DNPEP: variants seen among roughly 807,000 people sequenced by gnomAD.
DNPEP encodes the protein aspartyl aminopeptidase.
DNPEP carries 46 observed loss-of-function variants against 59.1 expected under a neutral mutation model. The ratio of observed to expected loss-of-function variants is 0.78; its 90% CI spans 0.61 to 0.99. The LOEUF is 0.99. DNPEP is among the 50% of genes least tolerant of loss of function. The probability of loss-of-function intolerance (pLI) is 0.00; values close to 1 mark genes in which losing one functional copy is unlikely to be tolerated. For synonymous variants in DNPEP, 229 were observed against 242.2 expected (o/e 0.95, Z 0.50); for missense variants, 617 against 649.9 (o/e 0.95, Z 0.55).
intron 13 of DNPEP, among the ~76,000 whole-genome samples, chr2:219,380,631 C>T (rs1953551966): frequency 6.6e-6 from 1 of 152,120 alleles, no homozygotes; most frequent in Non-Finnish European, 1.5e-5. Context: ...CAATGGGCTA[C>T]ACCACACAAC....
Position 219,381,229 on chromosome 2 carries a change from T to C in DNPEP, c.1239+106A>G, listed in dbSNP as rs1228748018. 4 of 959,700 alleles carry C rather than the reference T, an allele frequency of 4.2e-6. No homozygotes were observed. The Admixed American group carries it at 7.2e-5, about 17-fold the overall frequency. The allele number at this position is 959,700 out of a possible 1,614,324, so 59.4% of individuals were successfully genotyped here. ...TTTTCTCACTCTACTGGGACCCCCCTCCACTCAAGGCCATCTACCAGGTTC... is the reference window on the plus strand; with the variant it reads ...TTTTCTCACTCTACTGGGACCCCCCCCCACTCAAGGCCATCTACCAGGTTC... On this transcript the variant is annotated intron_variant, in intron 13 of 14. Transcript: ENST00000273075.
At chr2:219,379,642 G>C (rs1953506908) in intron 13 of DNPEP, among the ~76,000 whole-genome samples, 1 of 152,132 alleles carries the variant, frequency 6.6e-6, no homozygotes, top group African/African-American at 2.4e-5. Flanking sequence ...AAAAAAGTTG[G>C]CCGGGTGCAG....
Position 219,385,485 on chromosome 2 carries a change from A to T in DNPEP, c.713T>A (p.Leu238Gln), listed in dbSNP as rs760290648. Residue 238 changes from leucine (L) to glutamine (Q), a missense_variant, in exon 8 of 15, where the codon CTG becomes CAG. Physicochemically the swap from Leu to Gln is moderately radical, Grantham distance 113. Transcript: ENST00000273075. ...SVLMSLLCAHLGLSPKDIVEM... is the reference protein window; with the variant it reads ...SVLMSLLCAHQGLSPKDIVEM... ...CACTATGTCCTTGGGGCTCAGCCCC[A>T]GATGGGCACAGAGCAGGGACATGAG... 3 of 1,607,902 alleles carry T rather than the reference A, an allele frequency of 1.9e-6. No individual in the cohort carries two copies. The highest frequency in any genetic ancestry group is 1.7e-6 in the Non-Finnish European group (2 of 1,174,852).
At chr2:219,389,558 A>G (rs868473659), upstream of DNPEP, among the ~76,000 whole-genome samples, 12 of 152,182 alleles carry the variant, frequency 7.9e-5, no homozygotes, top group Admixed American at 1.3e-4. Flanking sequence ...GGCCTGGCGC[A>G]GTGGCTCACG....
chr2:219,384,304 G>A (rs995971504), intron 9 of DNPEP, 62 bp downstream of exon 9: 10 of 1,513,174 alleles, frequency 6.6e-6, no homozygotes, highest in South Asian at 1.2e-5. Context: ...CAGCTCCCCC[G>A]ACCCCAAACA....
At position 219,374,878 on chromosome 2, in the gene DNPEP, G is replaced by A; in HGVS notation, c.1384C>T (p.Leu462Phe). 1.2e-6 allele frequency: 2 copies of A among 1,614,184 alleles called. No individual in the cohort carries two copies. Among genetic ancestry groups the A allele is most frequent in the Middle Eastern group, 1.7e-4 (1 of 6,060 alleles). ...ACCTTGAAGAGGGTGAGGGTCTGGA[G>A]GACTCCTGTGGTGCAGGCCATCTCC... ...IREMACTTGV[L>F]QTLTLFKGFF... The change falls in exon 14 of 15, where the codon CTC becomes TTC. Residue 462 changes from leucine to phenylalanine, a missense_variant. Transcript: ENST00000273075.
chr2:219,391,501 A>T (rs1954015986), upstream of DNPEP, among the ~76,000 whole-genome samples: 1 of 152,224 alleles, frequency 6.6e-6, no homozygotes, highest in Non-Finnish European at 1.5e-5. Context: ...AAATGTTTGG[A>T]AAGGTGATGG....
chr2:219,390,359 T>A (rs1183157476), upstream of DNPEP, among the ~76,000 whole-genome samples: 2 of 152,194 alleles, frequency 1.3e-5, no homozygotes, highest in Non-Finnish European at 2.9e-5. Context: ...AAGGGTAGCC[T>A]AATTTAAAAA....
chr2:219,384,242 A>G, intron 9 of DNPEP, 124 bp downstream of exon 9: 1 of 894,908 alleles, frequency 1.1e-6, no homozygotes, highest in South Asian at 1.7e-5. Context: ...CAGCACCAGC[A>G]GACTGAGCGG....
intron 8 of DNPEP, chr2:219,385,069 T>A (rs1953753746): frequency 4.5e-6 from 1 of 222,552 alleles, no homozygotes; most frequent in African/African-American, 2.3e-5. Context: ...TAGCAATCTC[T>A]GACCATCAGC....
upstream of DNPEP, chr2:219,388,630 A>G: frequency 1.1e-6 from 1 of 935,424 alleles, no homozygotes; most frequent in Non-Finnish European, 1.3e-6. Flanking sequence ...AGGTGCTAGG[A>G]CAGCCGCGGA....
At chr2:219,380,119 G>C (rs1224316399) in intron 13 of DNPEP, among the ~76,000 whole-genome samples, 2 of 151,316 alleles carry the variant, frequency 1.3e-5, no homozygotes, top group Non-Finnish European at 2.9e-5. Flanking sequence ...AGTGCCGTAA[G>C]CTCCATTCCT....
chr2:219,385,496 G>C lies in DNPEP; in HGVS notation c.702C>G (p.Leu234=). 1 of 1,606,842 alleles carries C rather than the reference G, an allele frequency of 6.2e-7. No homozygotes were observed. Among genetic ancestry groups the C allele is most frequent in the Non-Finnish European group, 8.5e-7 (1 of 1,174,026 alleles). The change falls in exon 8 of 15, where the codon CTC becomes CTG. Residue 234 remains leucine (L), a synonymous_variant. Coordinates refer to ENST00000273075, the MANE Select transcript of DNPEP (RefSeq NM_012100.4). ...ERHHSVLMSL[L]CAHLGLSPKD... is the part of the protein sequence containing the mutation. Reference sequence around the variant, plus strand: ...TGGGGCTCAGCCCCAGATGGGCACAGAGCAGGGACATGAGGACCGAATGGT... The same window carrying C: ...TGGGGCTCAGCCCCAGATGGGCACACAGCAGGGACATGAGGACCGAATGGT...
Position 219,387,897 on chromosome 2 carries a change from G to A in DNPEP, c.-103C>T, listed in dbSNP as rs1036810311. 1.4e-6 allele frequency: 2 copies of A among 1,404,894 alleles called. No homozygotes were observed. The highest frequency in any genetic ancestry group is 6.0e-5 in the East Asian group (2 of 33,342). The allele number at this position is 1,404,894 out of a possible 1,614,324, so 87.0% of individuals were successfully genotyped here. ...CCTTCAGGCCGCGCCGCACTCGTAGGCCTTCATCACGCTTCCCCGGCCGCG... is the reference window on the plus strand; with the variant it reads ...CCTTCAGGCCGCGCCGCACTCGTAGACCTTCATCACGCTTCCCCGGCCGCG... On this transcript the variant is annotated 5_prime_UTR_variant, in exon 1 of 15. Coordinates refer to ENST00000273075, the MANE Select transcript of DNPEP (RefSeq NM_012100.4).
intron 1 of DNPEP, chr2:219,387,437 G>A: frequency 2.8e-6 from 4 of 1,431,058 alleles, no homozygotes; most frequent in Non-Finnish European, 3.7e-6. Flanking sequence ...GCCCAGCTAG[G>A]AAATCCTGTT....
intron 1 of DNPEP, among the ~76,000 whole-genome samples, chr2:219,395,096 GCAC>G (rs1954075438): frequency 1.3e-5 from 2 of 152,030 alleles, no homozygotes; most frequent in South Asian, 4.2e-4. Context: ...TTACAGACAT[GCAC>G]CACCATGCCC....
chr2:219,397,123 C>G (rs1361153163), intron 1 of DNPEP, among the ~76,000 whole-genome samples: 1 of 152,176 alleles, frequency 6.6e-6, no homozygotes, highest in African/African-American at 2.4e-5. Context: ...GGCTCAGGAT[C>G]CACACACCGG....
rs1044457391 is a variant in DNPEP at position 219,399,964 on chromosome 2, G to C, written c.-182C>G. 4 of 1,512,438 alleles carry C rather than the reference G, an allele frequency of 2.6e-6. No individual in the cohort carries two copies. In the Admixed American group the frequency reaches 8.1e-5, roughly 31 times the overall value. 93.7% of individuals were successfully genotyped at this position (1,512,438 alleles called of 1,614,324 possible). Reference sequence around the variant, plus strand: ...CCTCCTCCCAAGGCTGGAGTGGACAGGCCTGAACCGTGTGCCTTTTTTGCC... The same window carrying C: ...CCTCCTCCCAAGGCTGGAGTGGACACGCCTGAACCGTGTGCCTTTTTTGCC... On this transcript the variant is annotated 5_prime_UTR_variant, in exon 1 of 7. Coordinates refer to the DNPEP transcript ENST00000434339.
At chr2:219,394,041 A>G (rs1954058407) in intron 1 of DNPEP, among the ~76,000 whole-genome samples, 1 of 152,172 alleles carries the variant, frequency 6.6e-6, no homozygotes, top group South Asian at 2.1e-4. Context: ...CCAAGAAAAA[A>G]TAATCCTCCC....
Sources: allele counts gnomAD v4.1 joint callset (sites outside exome capture counted in the v4.1 genomes callset), GRCh38; gene constraint gnomAD v4.1.1; transcripts MANE v1.5; gene names NCBI Gene and HGNC (gene_info 2026-07-23, HGNC 2026-07-21).